HECW2: variants seen among roughly 807,000 people sequenced by gnomAD.
HECW2 encodes HECT, C2 and WW domain containing E3 ubiquitin protein ligase 2, also known as E3 ubiquitin-protein ligase HECW2.
HECW2 carries 61 observed loss-of-function variants against 175.2 expected under a neutral mutation model. The ratio of observed to expected loss-of-function variants is 0.35; its 90% CI spans 0.28 to 0.43. The LOEUF (loss-of-function observed/expected upper bound fraction) is 0.43, where lower values mean the gene tolerates loss of function less well. Among genes scored for constraint, HECW2 ranks in the 20% least tolerant of loss-of-function variants. HECW2 has a pLI of 1.00. For synonymous variants in HECW2, 671 were observed against 731.0 expected, an observed-to-expected ratio of 0.92 and a Z score of 1.32; for missense variants, 1,524 against 2,000.5, an observed-to-expected ratio of 0.76 and a Z score of 4.54.
chr2:196,543,467 G>A (rs893236839), intron 1 of HECW2, among the ~76,000 whole-genome samples: 1 of 152,036 alleles, frequency 6.6e-6, no homozygotes, highest in African/African-American at 2.4e-5. Flanking sequence ...ATACACAAAT[G>A]TTAAATTATT....
chr2:196,487,205 C>G (rs890207124), intron 1 of HECW2, among the ~76,000 whole-genome samples: 4 of 151,560 alleles, frequency 2.6e-5, no homozygotes, highest in Non-Finnish European at 4.4e-5. Context: ...GTCCCAGCTA[C>G]CAGGAGGCTG....
intron 13 of HECW2, among the ~76,000 whole-genome samples, chr2:196,298,819 T>A (rs1280453864): frequency 6.6e-6 from 1 of 152,232 alleles, no homozygotes; most frequent in African/African-American, 2.4e-5. Context: ...TCCTTTTGCA[T>A]ATTGAACATT....
At chr2:196,233,264 C>T (rs13389087) in intron 21 of HECW2, among the ~76,000 whole-genome samples, 3,213 of 152,218 alleles carry the variant, frequency 0.021, 94 homozygotes, top group African/African-American at 0.071. Flanking sequence ...AGGGCATTTC[C>T]GAATAAGCAC....
chr2:196,212,560 T>C (rs1345627753), intron 28 of HECW2, among the ~76,000 whole-genome samples: 1 of 152,240 alleles, frequency 6.6e-6, no homozygotes, highest in Non-Finnish European at 1.5e-5. Flanking sequence ...TATTCCATGG[T>C]ATATATGTAC....
intron 1 of HECW2, among the ~76,000 whole-genome samples, chr2:196,451,431 C>G (rs1161422162): frequency 3.0e-5 from 2 of 65,940 alleles, no homozygotes; most frequent in South Asian, 9.3e-4. Context: ...GACTCCGTCT[C>G]AAAAAAAAAA....
intron 19 of HECW2, 59 bp from the exon 20 acceptor site, chr2:196,242,263 A>G: frequency 6.2e-7 from 1 of 1,604,380 alleles, no homozygotes; most frequent in Non-Finnish European, 8.5e-7. Flanking sequence ...TATGTTCATC[A>G]CATCACCATG....
intron 2 of HECW2, 110 bp from the exon 3 acceptor site, chr2:196,343,874 T>C (rs1241491696): frequency 1.4e-6 from 1 of 735,494 alleles, no homozygotes; most frequent in Non-Finnish European, 2.3e-6. Flanking sequence ...TGAGAAAATA[T>C]AATGCACATT....
intron 1 of HECW2, among the ~76,000 whole-genome samples, chr2:196,554,020 G>A (rs1275266248): frequency 6.6e-6 from 1 of 152,218 alleles, no homozygotes; most frequent in African/African-American, 2.4e-5. Context: ...CTGATATCTA[G>A]GATAGGGCTG....
At chr2:196,427,285 C>A (rs1362585480) in intron 2 of HECW2, among the ~76,000 whole-genome samples, 1 of 149,340 alleles carries the variant, frequency 6.7e-6, no homozygotes, top group African/African-American at 2.5e-5. Context: ...GCATAGTATA[C>A]ACTTTTACAT....
intron 1 of HECW2, among the ~76,000 whole-genome samples, chr2:196,481,008 C>G (rs1686825193): frequency 6.6e-6 from 1 of 152,152 alleles, no homozygotes; most frequent in Non-Finnish European, 1.5e-5. Flanking sequence ...AATTTTAGCC[C>G]TTTGCAGTCT....
At chr2:196,472,619 TTTTC>T (rs900809001) in intron 1 of HECW2, among the ~76,000 whole-genome samples, 1 of 152,000 alleles carries the variant, frequency 6.6e-6, no homozygotes, top group Non-Finnish European at 1.5e-5. Context: ...TTTTTTTTCT[TTTTC>T]TTTTTCTTTT....
chr2:196,396,927 T>C (rs534140791), intron 2 of HECW2, among the ~76,000 whole-genome samples: 2 of 151,398 alleles, frequency 1.3e-5, no homozygotes, highest in East Asian at 3.9e-4. Context: ...CTGGCTAACA[T>C]GGTGAAGCCC....
At chr2:196,432,178 C>T (rs1056729884) in intron 2 of HECW2, among the ~76,000 whole-genome samples, 3 of 152,054 alleles carry the variant, frequency 2.0e-5, no homozygotes, top group Non-Finnish European at 2.9e-5. Flanking sequence ...GCAAAATCTT[C>T]CCTGGCTAAG....
intron 1 of HECW2, among the ~76,000 whole-genome samples, chr2:196,462,047 T>G (rs10177581): frequency 1.3e-5 from 2 of 152,042 alleles, no homozygotes; most frequent in African/African-American, 4.8e-5. Context: ...TATATATATG[T>G]GTGTGTGCGT....
At chr2:196,523,743 T>TGA in intron 1 of HECW2, among the ~76,000 whole-genome samples, 1 of 151,528 alleles carries the variant, frequency 6.6e-6, no homozygotes, top group Non-Finnish European at 1.5e-5. Context: ...TCATGTGGTT[T>TGA]TTGTCTTTGG....
intron 14 of HECW2, chr2:196,289,979 T>A (rs577577224): frequency 1.3e-5 from 2 of 152,324 alleles, no homozygotes; most frequent in South Asian, 4.1e-4. Context: ...TAGCTAAAAA[T>A]CTTATTAAAG....
intron 1 of HECW2, among the ~76,000 whole-genome samples, chr2:196,569,365 ACT>A (rs879645940): frequency 0.034 from 5,127 of 150,658 alleles, 284 homozygotes; most frequent in African/African-American, 0.12. Flanking sequence ...ACTAAACTAA[ACT>A]AAACTAAAAT....
At chr2:196,398,288 T>C (rs1215702587) in intron 2 of HECW2, among the ~76,000 whole-genome samples, 1 of 152,178 alleles carries the variant, frequency 6.6e-6, no homozygotes, top group Non-Finnish European at 1.5e-5. Flanking sequence ...TATGGCCAAG[T>C]CAGTGGGAAA....
intron 1 of HECW2, among the ~76,000 whole-genome samples, chr2:196,478,339 T>A (rs913574135): frequency 7.9e-5 from 12 of 152,194 alleles, no homozygotes; most frequent in Admixed American, 6.5e-4. Context: ...TAACTCACAA[T>A]GGTTCTTGTG....
Sources: gnomAD v4.1 joint callset for allele counts (sites outside exome capture counted in the v4.1 genomes callset) on GRCh38, gnomAD v4.1.1 for gene constraint, MANE v1.5 for transcripts, NCBI Gene and HGNC (gene_info 2026-07-23, HGNC 2026-07-21) for gene names.